SH3RF3: variants seen among roughly 807,000 people sequenced by gnomAD.
SH3RF3 encodes the protein E3 ubiquitin-protein ligase SH3RF3.
In SH3RF3, 29 loss-of-function variants were observed where a neutral mutation model predicts 66.3. That is an observed-to-expected ratio of 0.44 (90% confidence interval 0.33 to 0.60). The LOEUF is 0.60. Among genes scored for constraint, SH3RF3 ranks in the 20% least tolerant of loss-of-function variants. SH3RF3 has a pLI of 0.04. For missense variants in SH3RF3, 1,194 were observed against 1,190.9 expected, an observed-to-expected ratio of 1.00 and a Z score of -0.04; for synonymous variants, 583 against 532.0, an observed-to-expected ratio of 1.10 and a Z score of -1.32.
chr2:109,418,553 C>T (rs527439586), intron 4 of SH3RF3, among the ~76,000 whole-genome samples: 24 of 152,278 alleles, frequency 1.6e-4, no homozygotes, highest in African/African-American at 5.8e-4. Context: ...GCTTCCTTCC[C>T]CTCCACATCC....
intron 3 of SH3RF3, among the ~76,000 whole-genome samples, chr2:109,379,830 C>G (rs546551280): frequency 2.0e-5 from 3 of 152,150 alleles, no homozygotes; most frequent in Admixed American, 6.5e-5. Flanking sequence ...AAGCGAGGAC[C>G]AGAAGGCAGG....
intron 7 of SH3RF3, among the ~76,000 whole-genome samples, chr2:109,440,423 C>A (rs912818455): frequency 3.3e-5 from 5 of 152,104 alleles, no homozygotes; most frequent in African/African-American, 1.2e-4. Flanking sequence ...TTCTTCTAGA[C>A]CACGTAAGGA....
intron 3 of SH3RF3, among the ~76,000 whole-genome samples, chr2:109,389,792 T>TC (rs1230802101): frequency 6.6e-6 from 1 of 152,114 alleles, no homozygotes; most frequent in African/African-American, 2.4e-5. Context: ...CATTGGTACA[T>TC]CAGAATATAA....
chr2:109,436,536 C>T (rs955179926), intron 6 of SH3RF3, among the ~76,000 whole-genome samples: 3 of 152,234 alleles, frequency 2.0e-5, no homozygotes, highest in Admixed American at 6.5e-5. Context: ...CAAGGCCTCG[C>T]GGGACATGAC....
intron 3 of SH3RF3, among the ~76,000 whole-genome samples, chr2:109,397,274 G>T (rs1024638424): frequency 6.6e-6 from 1 of 150,916 alleles, no homozygotes; most frequent in Non-Finnish European, 1.5e-5. Context: ...TGCCCAGAGG[G>T]CAGCTGGCAT....
intron 8 of SH3RF3, among the ~76,000 whole-genome samples, chr2:109,478,741 G>A (rs1678756735): frequency 6.6e-6 from 1 of 152,210 alleles, no homozygotes; most frequent in Non-Finnish European, 1.5e-5. Context: ...TTCTTGCTCA[G>A]AGGCCATGCG....
intron 1 of SH3RF3, among the ~76,000 whole-genome samples, chr2:109,328,710 A>G (rs1233178125): frequency 1.3e-5 from 2 of 152,244 alleles, no homozygotes; most frequent in East Asian, 1.9e-4. Flanking sequence ...CCTGGTCATC[A>G]CTGTGTCCTG....
chr2:109,371,670 C>T lies in SH3RF3; in HGVS notation c.934C>T (p.Leu312=). 1 of 1,613,786 alleles carries T rather than the reference C, an allele frequency of 6.2e-7. No homozygotes were observed. ...AGACAAGATCGGGATCTTCCCGCTC[C>T]TGTACGTGGAGGTAAGACCGTGCCG... ...LGDKIGIFPL[L]YVELNDSAKQ... Residue 312 remains leucine, a synonymous_variant, in exon 3 of 10, where the codon CTG becomes TTG. Coordinates refer to ENST00000309415, the MANE Select transcript of SH3RF3 (RefSeq NM_001099289.3).
Position 109,449,229 on chromosome 2 carries a change from A to G in SH3RF3, c.1888A>G (p.Thr630Ala), listed in dbSNP as rs764716359. 4 of 1,612,718 alleles carry G rather than the reference A, an allele frequency of 2.5e-6. No homozygotes were observed. The highest frequency in any genetic ancestry group is 3.4e-6 in the Non-Finnish European group (4 of 1,179,582). Reference protein sequence around the residue: ...RPTATVSPLRTQNSPSRLPAT... With the variant: ...RPTATVSPLRAQNSPSRLPAT... Reference sequence around the variant, plus strand: ...AACTGCCACCGTGTCACCCCTGCGCACCCAGAACTCTCCATCCCGCCTGCC... The same window carrying G: ...AACTGCCACCGTGTCACCCCTGCGCGCCCAGAACTCTCCATCCCGCCTGCC... Residue 630 changes from threonine to alanine, a missense_variant, in exon 8 of 10, where the codon ACC (threonine) becomes GCC (alanine). Coordinates refer to ENST00000309415, the MANE Select transcript of SH3RF3 (RefSeq NM_001099289.3).
intron 7 of SH3RF3, among the ~76,000 whole-genome samples, chr2:109,440,024 G>A (rs536480213): frequency 3.4e-4 from 52 of 152,308 alleles, no homozygotes; most frequent in African/African-American, 1.3e-3. Flanking sequence ...AGGACAAATA[G>A]GAAGTGTCTG....
At chr2:109,498,195 C>T (rs567762357) in intron 9 of SH3RF3, among the ~76,000 whole-genome samples, 1 of 152,262 alleles carries the variant, frequency 6.6e-6, no homozygotes, top group Middle Eastern at 3.4e-3. Context: ...TCTGGTTCGC[C>T]GGCAGATAGC....
intron 1 of SH3RF3, among the ~76,000 whole-genome samples, chr2:109,133,593 A>G (rs866628419): frequency 1.3e-5 from 2 of 152,176 alleles, no homozygotes; most frequent in South Asian, 4.1e-4. Context: ...AGGATTCTGA[A>G]TAGAGCGTCA....
chr2:109,374,124 A>C (rs1683332718), intron 3 of SH3RF3, among the ~76,000 whole-genome samples: 1 of 151,810 alleles, frequency 6.6e-6, no homozygotes, highest in African/African-American at 2.4e-5. Flanking sequence ...ACACCCCCTC[A>C]CAGGTTCTGC....
At chr2:109,350,049 G>A (rs1184827003) in intron 2 of SH3RF3, among the ~76,000 whole-genome samples, 3 of 152,234 alleles carry the variant, frequency 2.0e-5, no homozygotes, top group African/African-American at 2.4e-5. Context: ...GAGCTGCATC[G>A]GATCACCAGG....
chr2:109,247,526 C>T (rs759504240), intron 1 of SH3RF3, among the ~76,000 whole-genome samples: 57 of 152,314 alleles, frequency 3.7e-4, no homozygotes, highest in African/African-American at 1.4e-3. Flanking sequence ...TGGGTGGTCA[C>T]GTGTCAGTCC....
rs1206279912 is a variant in SH3RF3, at chr2:109,170,244, T to TTTCTCTTCTCTTCTC, written c.573+40188_573+40202dup. On this transcript the variant is annotated intron_variant, in intron 1 of 9. Transcript: ENST00000309415. ...TTTCTCTTCTCTTCTCTTCTTTTCT[T>TTTCTCTTCTCTTCTC]TTCTCTTCTCTTCTCTTCTCTTCTC... Among the ~76,000 whole-genome samples, 136 of 32,938 alleles carry TTTCTCTTCTCTTCTC rather than the reference T, an allele frequency of 4.1e-3. 2 individuals carry two copies. Among genetic ancestry groups the TTTCTCTTCTCTTCTC allele is most frequent in the Non-Finnish European group, 6.5e-3 (102 of 15,628 alleles). 21.6% of individuals were successfully genotyped at this position (32,938 alleles called of 152,430 possible). A position where few individuals can be genotyped will look rare whatever the true frequency, so the allele number is the denominator to read the frequency against.
chr2:109,484,211 C>T (rs1481350992), intron 8 of SH3RF3, among the ~76,000 whole-genome samples: 5 of 152,062 alleles, frequency 3.3e-5, no homozygotes, highest in East Asian at 3.9e-4. Flanking sequence ...GGATTACAGG[C>T]GCTTGCCACC....
At chr2:109,225,890 C>T (rs919461036) in intron 1 of SH3RF3, among the ~76,000 whole-genome samples, 3 of 152,186 alleles carry the variant, frequency 2.0e-5, no homozygotes, top group Non-Finnish European at 4.4e-5. Flanking sequence ...CTCAGCCTCC[C>T]GAGTAGCTGG....
intron 2 of SH3RF3, among the ~76,000 whole-genome samples, chr2:109,353,757 A>G (rs888630856): frequency 1.4e-4 from 21 of 152,182 alleles, no homozygotes; most frequent in African/African-American, 4.1e-4. Context: ...ACGTGGAGAC[A>G]AGACGAGAGA....
Sources: gnomAD v4.1 joint callset for allele counts (sites outside exome capture counted in the v4.1 genomes callset) on GRCh38, gnomAD v4.1.1 for gene constraint, MANE v1.5 for transcripts, NCBI Gene and HGNC (gene_info 2026-07-23, HGNC 2026-07-21) for gene names.